PCBP3: variants seen among roughly 807,000 people sequenced by gnomAD.
The protein encoded by PCBP3 is poly(rC) binding protein 3.
In PCBP3, 25 loss-of-function variants were observed where a neutral mutation model predicts 52.7. That is an observed-to-expected ratio of 0.47 (90% CI 0.35 to 0.66). The LOEUF (loss-of-function observed/expected upper bound fraction) is 0.66. Among genes scored for constraint, PCBP3 ranks in the 30% least tolerant of loss-of-function variants. The pLI, the probability that PCBP3 is intolerant of heterozygous loss-of-function variation, is 0.01. For missense variants in PCBP3, 391 were observed against 490.3 expected (o/e 0.80, Z 1.91); for synonymous variants, 162 against 183.0 (o/e 0.89, Z 0.93).
intron 2 of PCBP3, among the ~76,000 whole-genome samples, chr21:45,680,174 C>G (rs1373671295): frequency 1.3e-5 from 2 of 152,140 alleles, no homozygotes; most frequent in Non-Finnish European, 2.9e-5. Flanking sequence ...CTCATTTGCT[C>G]TTGTAAAAAA....
intron 4 of PCBP3, among the ~76,000 whole-genome samples, chr21:45,811,666 T>C (rs2092690439): frequency 6.6e-6 from 1 of 152,278 alleles, no homozygotes; most frequent in African/African-American, 2.4e-5. Context: ...TTGTCTGGTA[T>C]TGAGACATGT....
Position 45,800,537 on chromosome 21 carries a change from C to T in PCBP3, c.-126+45085C>T, listed in dbSNP as rs577130230. Among the ~76,000 whole-genome samples, 9 of 152,252 alleles carry T rather than the reference C, an allele frequency of 5.9e-5. No homozygotes were observed. The highest frequency in any genetic ancestry group is 2.2e-4 in the African/African-American group (9 of 41,560). On this transcript the variant is annotated intron_variant, in intron 4 of 17. Coordinates refer to ENST00000681687, the MANE Select transcript of PCBP3 (RefSeq NM_001384156.1). This position sits in a 1 kb window ranked among gnomAD's most constrained non-coding sequence, Gnocchi z 5.3. ...CCCTGAGGCCCCCTCCCTGCCATGC[C>T]TCTAACCCACCCAACACCACCAGCC...
intron 2 of PCBP3, among the ~76,000 whole-genome samples, chr21:45,730,335 C>T (rs1405689954): frequency 6.6e-6 from 1 of 151,786 alleles, no homozygotes; most frequent in African/African-American, 2.4e-5. Context: ...GAAAACTTCC[C>T]AAATACTTTT....
In PCBP3 at chr21:45,757,505, G is replaced by C. The variant is rs965502249; in HGVS notation, c.-126+2053G>C. ...TTTCATTTTCTTGGTAGTACCTTTT[G>C]ACAAACAAAAGTTTTTAATTTCAGT... On this transcript the variant is annotated intron_variant, in intron 4 of 17. Transcript: ENST00000681687. Among the ~76,000 whole-genome samples the C allele has an allele frequency of 2.6e-5, 4 of 152,074 alleles. 1 individual carries two copies. Among genetic ancestry groups the C allele is most frequent in the Middle Eastern group, 6.3e-3 (2 of 316 alleles).
chr21:45,747,934 G>A (rs2087052461), intron 3 of PCBP3: 1 of 152,230 alleles, frequency 6.6e-6, no homozygotes, highest in South Asian at 2.1e-4. Flanking sequence ...CCCTCCCGGA[G>A]GTTGAGATCA....
chr21:45,733,892 T>G (rs1307136558), intron 2 of PCBP3, among the ~76,000 whole-genome samples: 1 of 152,222 alleles, frequency 6.6e-6, no homozygotes, highest in Non-Finnish European at 1.5e-5. Context: ...AATGTCTTTG[T>G]GTACTAATGA....
At chr21:45,850,227 A>G in intron 5 of PCBP3, 132 bp downstream of exon 5, 1 of 775,800 alleles carries the variant, frequency 1.3e-6, no homozygotes. Context: ...TTCAGTCCAC[A>G]ATGTGCCCTG....
At chr21:45,809,433 C>T (rs1157305586) in intron 4 of PCBP3, among the ~76,000 whole-genome samples, 3 of 151,952 alleles carry the variant, frequency 2.0e-5, no homozygotes, top group East Asian at 1.9e-4. Context: ...CTGAGGAGTA[C>T]GGGAGATAAA....
intron 2 of PCBP3, among the ~76,000 whole-genome samples, chr21:45,709,212 C>G (rs1182509525): frequency 6.6e-6 from 1 of 152,188 alleles, no homozygotes; most frequent in Admixed American, 6.5e-5. Context: ...AGCCTGTCTT[C>G]GGAACATTCG....
intron 4 of PCBP3, among the ~76,000 whole-genome samples, chr21:45,811,721 G>T (rs1357577066): frequency 6.6e-6 from 1 of 152,128 alleles, no homozygotes; most frequent in East Asian, 1.9e-4. Context: ...TTTTCTCATT[G>T]TTTTACTTTT....
chr21:45,835,270 C>T (rs1010676129), intron 4 of PCBP3, among the ~76,000 whole-genome samples: 2 of 152,108 alleles, frequency 1.3e-5, no homozygotes, highest in Non-Finnish European at 1.5e-5. Flanking sequence ...CTTCATGCCC[C>T]GGGACCTGCC....
intron 1 of PCBP3, among the ~76,000 whole-genome samples, chr21:45,666,731 ATT>A (rs201697544): frequency 1.4e-4 from 19 of 139,588 alleles, no homozygotes; most frequent in Admixed American, 1.4e-4. Context: ...CTTATTGAGA[ATT>A]TTTTTTTTTT....
rs2085160322 is a variant in PCBP3, at chr21:45,727,743, G to T, written c.-199-7649G>T. ...TGGGGTGTGGGCTCTGGATTGGTGG[G>T]TTTGTATTTGAAAGGTACACTCCAG... On this transcript the variant is annotated intron_variant, in intron 2 of 17. Transcript: ENST00000681687. Among the ~76,000 whole-genome samples the T allele has an allele frequency of 3.9e-5, 6 of 152,262 alleles. No homozygotes were observed. In the South Asian group the frequency reaches 1.2e-3, roughly 32 times the overall value.
intron 4 of PCBP3, among the ~76,000 whole-genome samples, chr21:45,801,307 AGTCT>A (rs1283929527): frequency 6.6e-6 from 1 of 152,212 alleles, no homozygotes; most frequent in Non-Finnish European, 1.5e-5. Context: ...CCCGGTGGCC[AGTCT>A]GTCTGAGTCC....
rs1463613175 is a variant in PCBP3 at position 45,669,799 on chromosome 21, GTGTGTGTATATATATATATA to G, written c.-200+849_-200+868del. Reference sequence around the variant, plus strand: ...GAATAATATTCCATTGTGTGTGTGTGTGTGTGTATATATATATATATATATATATATATATATATATATAT... The same window carrying G: ...GAATAATATTCCATTGTGTGTGTGTGTATATATATATATATATATATATAT... On this transcript the variant is annotated intron_variant, in intron 2 of 17. Coordinates refer to ENST00000681687, the MANE Select transcript of PCBP3 (RefSeq NM_001384156.1). 2.2e-3 allele frequency among the ~76,000 whole-genome samples: 191 copies of G among 88,210 alleles called. 4 individuals carry two copies. The highest frequency in any genetic ancestry group is 0.013 in the Middle Eastern group (2 of 160). The allele number at this position is 88,210 out of a possible 152,430, so 57.9% of individuals were successfully genotyped here.
At chr21:45,878,338 G>A (rs1002591360) in intron 5 of PCBP3, among the ~76,000 whole-genome samples, 4 of 152,266 alleles carry the variant, frequency 2.6e-5, no homozygotes, top group Admixed American at 2.6e-4. Flanking sequence ...CTGCCTCTTG[G>A]CCTTAGACAG....
At chr21:45,902,728 G>T (rs2096093464) in intron 9 of PCBP3, among the ~76,000 whole-genome samples, 1 of 152,240 alleles carries the variant, frequency 6.6e-6, no homozygotes, top group South Asian at 2.1e-4. Flanking sequence ...TAGGGTGCTG[G>T]GCAGCCCGCT....
intron 2 of PCBP3, among the ~76,000 whole-genome samples, chr21:45,707,804 G>A (rs2083553035): frequency 1.3e-5 from 2 of 152,234 alleles, no homozygotes; most frequent in Non-Finnish European, 2.9e-5. Context: ...GAGGCAGGGA[G>A]AGAGTGGGGC....
At chr21:45,776,980 G>C (rs776843978) in intron 4 of PCBP3, among the ~76,000 whole-genome samples, 5 of 152,050 alleles carry the variant, frequency 3.3e-5, no homozygotes, top group Non-Finnish European at 7.4e-5. Flanking sequence ...AGCCATTTCT[G>C]TTCCTTCTTT....
Sources: gnomAD v4.1 joint callset for allele counts (sites outside exome capture counted in the v4.1 genomes callset) on GRCh38, gnomAD v4.1.1 for gene constraint, Gnocchi (gnomAD v3.1) non-coding constraint, MANE v1.5 for transcripts, NCBI Gene and HGNC (gene_info 2026-07-23, HGNC 2026-07-21) for gene names.